The following ZFTA variants were observed in gnomAD, a reference collection of about 807,000 sequenced individuals.
ZFTA encodes the protein zinc finger translocation associated, also known as zinc finger translocation-associated protein.
ZFTA carries 35 observed loss-of-function variants against 41.8 expected under a neutral mutation model. The observed-to-expected ratio is 0.84, with a 90% confidence interval of 0.64 to 1.11. The LOEUF is 1.11. Among genes scored for constraint, ZFTA ranks in the 50% most tolerant of loss-of-function variants. The pLI is 0.00. For synonymous variants in ZFTA, 514 were observed against 436.4 expected, an observed-to-expected ratio of 1.18 and a Z score of -2.22; for missense variants, 964 against 989.8, an observed-to-expected ratio of 0.97 and a Z score of 0.35.
Position 63,765,836 on chromosome 11 carries a change from C to A in ZFTA, c.608G>T (p.Gly203Val). The part of the protein sequence containing the change: ...EEEEEEEEGA[G>V]VPACPPKGPG... ...GCCCTTGGGCGGGCAAGCTGGGACA[C>A]CGGCCCCCTCCTCCTCCTCCTCTTC... Residue 203 changes from glycine (G) to valine (V), a missense_variant, in exon 2 of 5, where the codon GGT becomes GTT. Around this residue, in one of 5 missense-constraint regions of ZFTA, gnomAD observed 141 missense variants for 216.7 expected, o/e 0.65. Transcript: ENST00000433688. The surrounding 1 kb of genome is among the most constrained non-coding windows in gnomAD (Gnocchi z 4.0). 6.7e-7 allele frequency: 1 copy of A among 1,494,288 alleles called. No individual in the cohort carries two copies. The highest frequency in any genetic ancestry group is 8.9e-7 in the Non-Finnish European group (1 of 1,122,752). 92.6% of individuals were successfully genotyped at this position (1,494,288 alleles called of 1,614,324 possible).
rs2014659803 is a variant in ZFTA at position 63,762,490 on chromosome 11, C to A, written c.*928G>T. 6.6e-6 allele frequency: 1 copy of A among 152,162 alleles called. No individual in the cohort carries two copies. Among genetic ancestry groups the A allele is most frequent in the South Asian group, 2.1e-4 (1 of 4,832 alleles). 9.4% of individuals were successfully genotyped at this position (152,162 alleles called of 1,614,324 possible). ...AAGAGGCCGAGGCCCGGCCCCAGGC[C>A]CTGCGGGTTGAGAACGGACGCCGCA... On this transcript the variant is annotated 3_prime_UTR_variant, in exon 5 of 5. Transcript: ENST00000433688.
chr11:63,760,964 G>A lies in ZFTA; in HGVS notation c.*2454C>T, dbSNP rs186311608. 3 of 152,224 alleles carry A rather than the reference G, an allele frequency of 2.0e-5. No individual in the cohort carries two copies. Among genetic ancestry groups the A allele is most frequent in the East Asian group, 1.9e-4 (1 of 5,192 alleles). 9.4% of individuals were successfully genotyped at this position (152,224 alleles called of 1,614,324 possible). On this transcript the variant is annotated 3_prime_UTR_variant, in exon 5 of 5. Transcript: ENST00000433688. ...CTGAGGCCTCTCTCTGCCTACGGAG[G>A]GGGGGGAATCTAACCCCTCTGCCCT...
In ZFTA at chr11:63,765,185, C is replaced by T. The variant is rs545631245; in HGVS notation, c.707G>A (p.Arg236His). 5 of 1,522,524 alleles carry T rather than the reference C, an allele frequency of 3.3e-6. No individual in the cohort carries two copies. The highest frequency in any genetic ancestry group is 2.5e-5 in the South Asian group (2 of 80,430). 94.3% of individuals were successfully genotyped at this position (1,522,524 alleles called of 1,614,324 possible). Residue 236 changes from arginine to histidine, a missense_variant, in exon 3 of 5, where the codon CGT becomes CAT. Coordinates refer to ENST00000433688, the MANE Select transcript of ZFTA (RefSeq NM_001144936.2). This position sits in a 1 kb window ranked among gnomAD's most constrained non-coding sequence, Gnocchi z 4.0. The stretch of plus-strand genomic sequence containing the variant: ...CCTCCGGGAGGCTGAGAGGCGCAGA[C>T]GCCGAGCCCGGGGTGCCACTGGGCC... ...RGGPVAPRAR[R>H]LRLSASRRAG...
chr11:63,767,789 G>A (rs2014770681), intron 1 of ZFTA, among the ~76,000 whole-genome samples: 1 of 152,042 alleles, frequency 6.6e-6, no homozygotes, highest in African/African-American at 2.4e-5. Context: ...GGTTGGTTCC[G>A]CTAGAGCTGA....
chr11:63,760,614 G>A lies in ZFTA; in HGVS notation c.*2804C>T, dbSNP rs1056846477. On this transcript the variant is annotated 3_prime_UTR_variant, in exon 5 of 5. Coordinates refer to ENST00000433688, the MANE Select transcript of ZFTA (RefSeq NM_001144936.2). ...TGTTCATGTCAGAATCCCAAGGCAA[G>A]GAGGCACACCTAGGCAAGAGGGCCA... The A allele has an allele frequency of 1.3e-5, 2 of 152,162 alleles. No individual in the cohort carries two copies. Among genetic ancestry groups the A allele is most frequent in the Admixed American group, 6.5e-5 (1 of 15,270 alleles). The allele number at this position is 152,162 out of a possible 1,614,324, so 9.4% of individuals were successfully genotyped here.
Position 63,765,157 on chromosome 11 carries a change from G to A in ZFTA, c.735C>T (p.Ala245=), listed in dbSNP as rs997596867. 3.9e-6 allele frequency: 6 copies of A among 1,545,652 alleles called. No homozygotes were observed. The highest frequency in any genetic ancestry group is 5.2e-6 in the Non-Finnish European group (6 of 1,145,606). Residue 245 remains alanine (A), a synonymous_variant, in exon 3 of 5, where the codon GCC becomes GCT. Transcript: ENST00000433688. This position sits in a 1 kb window ranked among gnomAD's most constrained non-coding sequence, Gnocchi z 4.0. ...GGGCCCCCAGCCCCCTGCTGCCCCC[G>A]GCCCTCCGGGAGGCTGAGAGGCGCA... ...RRLRLSASRR[A]GGSRGLGARR... is the part of the protein sequence containing the mutation.
In ZFTA at chr11:63,764,130, G is replaced by T; in HGVS notation, c.1493C>A (p.Pro498His). The T allele has an allele frequency of 7.4e-7, 1 of 1,347,192 alleles. No homozygotes were observed. The highest frequency in any genetic ancestry group is 9.5e-7 in the Non-Finnish European group (1 of 1,055,612). The allele number at this position is 1,347,192 out of a possible 1,614,324, so 83.5% of individuals were successfully genotyped here. Residue 498 changes from proline (P) to histidine (H), a missense_variant, in exon 4 of 5, where the codon CCC (proline) becomes CAC (histidine). Physicochemically the swap from Pro to His is moderately conservative, Grantham distance 77. Transcript: ENST00000433688. Reference sequence around the variant, plus strand: ...AGTGCCGGGGGGGATGGGGCCCTGGGGGGACTCGGGGCGGGGCGGCCCCAG... The same window carrying T: ...AGTGCCGGGGGGGATGGGGCCCTGGTGGGACTCGGGGCGGGGCGGCCCCAG... ...LALGPPRPES[P>H]QGPIPPGTAA...
Position 63,762,725 on chromosome 11 carries a change from G to C in ZFTA, c.*693C>G, listed in dbSNP as rs2014665243. The C allele has an allele frequency of 6.6e-6, 1 of 152,344 alleles. No homozygotes were observed. Among genetic ancestry groups the C allele is most frequent in the African/African-American group, 2.4e-5 (1 of 41,436 alleles). The allele number at this position is 152,344 out of a possible 1,614,324, so 9.4% of individuals were successfully genotyped here. ...TGGGAGGAGAGTGGGGCCGCCGGGC[G>C]CACGGTTCTCACTGAGCCTGCCGGG... On this transcript the variant is annotated 3_prime_UTR_variant, in exon 5 of 5. Transcript: ENST00000433688.
At position 63,763,442 on chromosome 11, in the gene ZFTA, C is replaced by G; in HGVS notation, c.2013G>C (p.Lys671Asn). 7.1e-7 allele frequency: 1 copy of G among 1,402,334 alleles called. No individual in the cohort carries two copies. Among genetic ancestry groups the G allele is most frequent in the Non-Finnish European group, 9.3e-7 (1 of 1,078,928 alleles). 86.9% of individuals were successfully genotyped at this position (1,402,334 alleles called of 1,614,324 possible). A position where few individuals can be genotyped will look rare whatever the true frequency, so the allele number is the denominator to read the frequency against. The change falls in exon 5 of 5, where the codon AAG becomes AAC. Residue 671 changes from lysine (K) to asparagine (N), a missense_variant. Lys to Asn is a moderately conservative substitution (Grantham distance 94). This residue lies in a region of ZFTA where 65 missense variants were observed against 58.9 expected (regional missense o/e 1.10). Transcript: ENST00000433688. ...GCTACGCCCGACACACAGCGCCAGACTTGAGGTCCGCGCCGCCGTCACGCG... is the reference window on the plus strand; with the variant it reads ...GCTACGCCCGACACACAGCGCCAGAGTTGAGGTCCGCGCCGCCGTCACGCG... ...PAPRDGGADL[K>N]SGAVCRA is the part of the protein sequence containing the mutation.
In ZFTA at chr11:63,761,092, C is replaced by T. The variant is rs1037937310; in HGVS notation, c.*2326G>A. Reference sequence around the variant, plus strand: ...CAGAGTAAAAAAAGTGGTGTTAATACTCTGGATCCGAAAAAATGCATGAAG... The same window carrying T: ...CAGAGTAAAAAAAGTGGTGTTAATATTCTGGATCCGAAAAAATGCATGAAG... On this transcript the variant is annotated 3_prime_UTR_variant, in exon 5 of 5. Transcript: ENST00000433688. The T allele has an allele frequency of 6.6e-6, 1 of 152,128 alleles. No individual in the cohort carries two copies. Among genetic ancestry groups the T allele is most frequent in the Non-Finnish European group, 1.5e-5 (1 of 68,032 alleles). The allele number at this position is 152,128 out of a possible 1,614,324, so 9.4% of individuals were successfully genotyped here.
In ZFTA at chr11:63,763,320, C is replaced by A. The variant is rs2014680562; in HGVS notation, c.*98G>T. ...GCGCGGCCGCGGGAAGCGCTAACAC[C>A]GGACGCGAGGGTCTCCCAGCCGAAG... On this transcript the variant is annotated 3_prime_UTR_variant, in exon 5 of 5. Transcript: ENST00000433688. 1 of 944,646 alleles carries A rather than the reference C, an allele frequency of 1.1e-6. No homozygotes were observed. The highest frequency in any genetic ancestry group is 4.9e-5 in the South Asian group (1 of 20,442). The allele number at this position is 944,646 out of a possible 1,614,324, so 58.5% of individuals were successfully genotyped here.
chr11:63,762,671 G>A lies in ZFTA; in HGVS notation c.*747C>T, dbSNP rs1050539921. The A allele has an allele frequency of 6.6e-6, 1 of 152,376 alleles. No individual in the cohort carries two copies. Among genetic ancestry groups the A allele is most frequent in the African/African-American group, 2.4e-5 (1 of 41,466 alleles). 9.4% of individuals were successfully genotyped at this position (152,376 alleles called of 1,614,324 possible). On this transcript the variant is annotated 3_prime_UTR_variant, in exon 5 of 5. Transcript: ENST00000433688. ...GAAAAAAGTGCTAATCCCTTTACAAGAGCTTTCCTGGAGGGCGTGGCAGCG... is the reference window on the plus strand; with the variant it reads ...GAAAAAAGTGCTAATCCCTTTACAAAAGCTTTCCTGGAGGGCGTGGCAGCG...
rs1459929493 is a variant in ZFTA, at chr11:63,765,275, G to C, written c.638-21C>G. 7.0e-7 allele frequency: 1 copy of C among 1,434,818 alleles called. No individual in the cohort carries two copies. The highest frequency in any genetic ancestry group is 1.5e-5 in the African/African-American group (1 of 67,656). 88.9% of individuals were successfully genotyped at this position (1,434,818 alleles called of 1,614,324 possible). The stretch of plus-strand genomic sequence containing the variant: ...TTTGCCTGAAAGGGTTGGAGGGAAG[G>C]AACTGAGACGCTGGCCCCACGGGAG... On this transcript the variant is annotated intron_variant, in intron 2 of 4. Coordinates refer to ENST00000433688, the MANE Select transcript of ZFTA (RefSeq NM_001144936.2). The surrounding 1 kb of genome is among the most constrained non-coding windows in gnomAD (Gnocchi z 4.0).
Position 63,764,477 on chromosome 11 carries a change from A to G in ZFTA, c.1146T>C (p.Pro382=). The G allele has an allele frequency of 7.9e-7, 1 of 1,261,982 alleles. No individual in the cohort carries two copies. Among genetic ancestry groups the G allele is most frequent in the Non-Finnish European group, 1.0e-6 (1 of 999,452 alleles). 78.2% of individuals were successfully genotyped at this position (1,261,982 alleles called of 1,614,324 possible). ...CCTCCTCTGCGGGCCCGGGCCTCTC[A>G]GGGACCCAGCCAGCCTCTTCCTTTA... The part of the protein sequence containing the change: ...PDVKEEAGWV[P]ERPGPAEEEE... Residue 382 remains proline (P), a synonymous_variant, in exon 4 of 5, where the codon CCT becomes CCC. Coordinates refer to ENST00000433688, the MANE Select transcript of ZFTA (RefSeq NM_001144936.2).
intron 3 of ZFTA, 37 bp from the exon 4 acceptor site, chr11:63,764,635 G>A: frequency 1.6e-6 from 2 of 1,263,930 alleles, no homozygotes; most frequent in Non-Finnish European, 2.0e-6. Flanking sequence ...GGCTCAGCCT[G>A]CTGGCTGGGT....
In ZFTA at chr11:63,768,508, C is replaced by T. The variant is rs988744598; in HGVS notation, c.115G>A (p.Ala39Thr). 33 of 1,205,470 alleles carry T rather than the reference C, an allele frequency of 2.7e-5. No individual in the cohort carries two copies. Among genetic ancestry groups the T allele is most frequent in the South Asian group, 3.6e-5 (2 of 55,954 alleles). The allele number at this position is 1,205,470 out of a possible 1,614,324, so 74.7% of individuals were successfully genotyped here. A position where few individuals can be genotyped will look rare whatever the true frequency, so the allele number is the denominator to read the frequency against. ...CCGCCTTCGTCTTCCTCTGGCTCCGCGCTGCCGCTCGATCCGGCGGGCGGC... is the reference window on the plus strand; with the variant it reads ...CCGCCTTCGTCTTCCTCTGGCTCCGTGCTGCCGCTCGATCCGGCGGGCGGC... ...RLPPAGSSGS[A>T]EPEEDEGGQD... The change falls in exon 1 of 5, where the codon GCG (alanine) becomes ACG (threonine). Residue 39 changes from alanine to threonine, a missense_variant. By Grantham distance (58) the Ala-to-Thr change is moderately conservative (BLOSUM62 0). Transcript: ENST00000433688.
In ZFTA at chr11:63,764,930, G is replaced by A. The variant is rs1444807324; in HGVS notation, c.962C>T (p.Ala321Val). 1 of 1,545,128 alleles carries A rather than the reference G, an allele frequency of 6.5e-7. No individual in the cohort carries two copies. The highest frequency in any genetic ancestry group is 8.7e-7 in the Non-Finnish European group (1 of 1,145,562). The change falls in exon 3 of 5, where the codon GCC (alanine) becomes GTC (valine). Residue 321 changes from alanine (A) to valine (V), a missense_variant. Physicochemically the swap from Ala to Val is moderately conservative, Grantham distance 64. Transcript: ENST00000433688. Reference protein sequence around the residue: ...SLGLSGPQRSALLQAWGGQPE... With the variant: ...SLGLSGPQRSVLLQAWGGQPE... ...CTGGCCCCCCCAGGCCTGCAGCAGGGCACTGCGCTGGGGGCCGCTGAGCCC... is the reference window on the plus strand; with the variant it reads ...CTGGCCCCCCCAGGCCTGCAGCAGGACACTGCGCTGGGGGCCGCTGAGCCC...
Position 63,768,468 on chromosome 11 carries a change from C to G in ZFTA, c.139+16G>C. The stretch of plus-strand genomic sequence containing the variant: ...ACGCCGGGGCCCCCGCCCGGGCCGC[C>G]GGCCCCAGCTCTTACCGCCTTCGTC... On this transcript the variant is annotated intron_variant, in intron 1 of 4. Coordinates refer to ENST00000433688, the MANE Select transcript of ZFTA (RefSeq NM_001144936.2). 3 of 1,122,688 alleles carry G rather than the reference C, an allele frequency of 2.7e-6. No individual in the cohort carries two copies. The highest frequency in any genetic ancestry group is 5.1e-5 in the South Asian group (2 of 39,602). 69.5% of individuals were successfully genotyped at this position (1,122,688 alleles called of 1,614,324 possible).
Position 63,764,612 on chromosome 11 carries a change from G to T in ZFTA, c.1025-14C>A. The T allele has an allele frequency of 1.6e-6, 2 of 1,263,492 alleles. No individual in the cohort carries two copies. The highest frequency in any genetic ancestry group is 1.5e-5 in the African/African-American group (1 of 64,700). 78.3% of individuals were successfully genotyped at this position (1,263,492 alleles called of 1,614,324 possible). ...CGAGGTCATCGCCTGTTGGGGAAGG[G>T]GTGAGGGAGAGGGGCTCAGCCTGCT... On this transcript the variant is annotated splice_polypyrimidine_tract_variant and intron_variant, in intron 3 of 4. Coordinates refer to ENST00000433688, the MANE Select transcript of ZFTA (RefSeq NM_001144936.2).
Sources: gnomAD v4.1 joint callset for allele counts (sites outside exome capture counted in the v4.1 genomes callset) on GRCh38, gnomAD v4.1.1 for gene constraint, gnomAD v4.1.1 regional missense constraint, Gnocchi (gnomAD v3.1) non-coding constraint, MANE v1.5 for transcripts, NCBI Gene and HGNC (gene_info 2026-07-23, HGNC 2026-07-21) for gene names.